The following MAN1A2 variants were observed in gnomAD, a reference collection of about 807,000 sequenced individuals.
MAN1A2 encodes the protein mannosidase alpha class 1A member 2, also known as mannosyl-oligosaccharide 1,2-alpha-mannosidase IB.
In MAN1A2, 26 loss-of-function variants were observed where a neutral mutation model predicts 75.7. The ratio of observed to expected loss-of-function variants is 0.34; its 90% CI spans 0.25 to 0.48. The LOEUF is 0.48. MAN1A2 is among the 20% of genes least tolerant of loss of function. MAN1A2 has a pLI of 0.99. For missense variants in MAN1A2, 562 were observed against 775.5 expected (o/e 0.72, Z 3.27); for synonymous variants, 247 against 264.6 (o/e 0.93, Z 0.65).
At chr1:117,487,428 A>T (rs1478578627) in intron 8 of MAN1A2, among the ~76,000 whole-genome samples, 1 of 152,010 alleles carries the variant, frequency 6.6e-6, no homozygotes, top group Non-Finnish European at 1.5e-5. Context: ...ATAAATGATT[A>T]GGGAAAGTGA....
intron 12 of MAN1A2, among the ~76,000 whole-genome samples, chr1:117,504,314 GTTT>G (rs56375805): frequency 2.9e-5 from 4 of 138,014 alleles, no homozygotes; most frequent in Non-Finnish European, 3.2e-5. Flanking sequence ...TATCTCTCCT[GTTT>G]TTTTTTTTTT....
At chr1:117,371,607 A>T (rs868069366) in intron 1 of MAN1A2, among the ~76,000 whole-genome samples, 1 of 152,196 alleles carries the variant, frequency 6.6e-6, no homozygotes, top group Non-Finnish European at 1.5e-5. Context: ...AACATGTGTG[A>T]GAGCCCTAAG....
At chr1:117,454,361 A>C (rs1368618129) in intron 6 of MAN1A2, among the ~76,000 whole-genome samples, 1 of 152,216 alleles carries the variant, frequency 6.6e-6, no homozygotes, top group Non-Finnish European at 1.5e-5. Flanking sequence ...TGACTAGAAA[A>C]AGAAAAGTTA....
intron 12 of MAN1A2, among the ~76,000 whole-genome samples, chr1:117,521,623 C>T (rs1651874166): frequency 6.6e-6 from 1 of 151,950 alleles, no homozygotes; most frequent in South Asian, 2.1e-4. Context: ...GTGGAGATTC[C>T]TTAAATCACT....
rs551507232 is a variant in MAN1A2, at chr1:117,417,534, A to AATATAT, written c.774+2722_774+2727dup. Among the ~76,000 whole-genome samples the AATATAT allele has an allele frequency of 5.4e-3, 482 of 89,196 alleles. 25 individuals are homozygous for AATATAT. Among genetic ancestry groups the AATATAT allele is most frequent in the Middle Eastern group, 9.1e-3 (1 of 110 alleles). The allele number at this position is 89,196 out of a possible 152,430, so 58.5% of individuals were successfully genotyped here. A position where few individuals can be genotyped will look rare whatever the true frequency, so the allele number is the denominator to read the frequency against. The stretch of plus-strand genomic sequence containing the variant: ...GACTTTGGAGATATCCTTGAGTTTA[A>AATATAT]ATATATATATATATATATATATATG... On this transcript the variant is annotated intron_variant, in intron 4 of 12. Transcript: ENST00000356554.
chr1:117,397,289 G>C (rs182786140), intron 1 of MAN1A2, among the ~76,000 whole-genome samples: 8 of 152,230 alleles, frequency 5.3e-5, no homozygotes, highest in Admixed American at 3.3e-4. Flanking sequence ...TCACAATATT[G>C]CAACAACATA....
At position 117,421,739 on chromosome 1, in the gene MAN1A2, T is replaced by C. The variant is rs575160295; in HGVS notation, c.855+1090T>C. ...TTATATTGTGTGATTTGTTTATACC[T>C]CTAACATATATTTCTATAGTCAGAA... On this transcript the variant is annotated intron_variant, in intron 5 of 12. Coordinates refer to ENST00000356554, the MANE Select transcript of MAN1A2 (RefSeq NM_006699.5). Among the ~76,000 whole-genome samples, 6 of 152,200 alleles carry C rather than the reference T, an allele frequency of 3.9e-5. No homozygotes were observed. The South Asian group carries it at 1.0e-3, about 26-fold the overall frequency.
At chr1:117,456,243 A>G (rs1395374356) in intron 6 of MAN1A2, among the ~76,000 whole-genome samples, 1 of 152,074 alleles carries the variant, frequency 6.6e-6, no homozygotes, top group African/African-American at 2.4e-5. Context: ...GTAGTCCATA[A>G]GGTAAAACAA....
intron 6 of MAN1A2, among the ~76,000 whole-genome samples, chr1:117,452,720 G>A (rs990544445): frequency 1.3e-5 from 2 of 152,222 alleles, no homozygotes; most frequent in Non-Finnish European, 2.9e-5. Context: ...AAACATAAAG[G>A]TGACAGGTGA....
chr1:117,421,025 G>A (rs1443711516), intron 5 of MAN1A2, among the ~76,000 whole-genome samples: 1 of 151,992 alleles, frequency 6.6e-6, no homozygotes, highest in African/African-American at 2.4e-5. Flanking sequence ...CCAAAAATTA[G>A]TAATTCAAAC....
chr1:117,472,533 T>G (rs2101849328), intron 8 of MAN1A2, among the ~76,000 whole-genome samples: 1 of 152,174 alleles, frequency 6.6e-6, no homozygotes, highest in South Asian at 2.1e-4. Context: ...GCTGGAGAGA[T>G]ATGAAATAAA....
At chr1:117,449,166 C>A (rs1649328253) in intron 6 of MAN1A2, among the ~76,000 whole-genome samples, 1 of 152,096 alleles carries the variant, frequency 6.6e-6, no homozygotes. Flanking sequence ...CTTGGGCTTC[C>A]CTACTCCCTG....
chr1:117,527,493 A>G lies in MAN1A2; in HGVS notation c.*4536A>G, dbSNP rs1191269641. 3.9e-5 allele frequency: 6 copies of G among 152,018 alleles called. No homozygotes were observed. Among genetic ancestry groups the G allele is most frequent in the Admixed American group, 3.3e-4 (5 of 15,236 alleles). The allele number at this position is 152,018 out of a possible 1,614,324, so 9.4% of individuals were successfully genotyped here. ...CGTATATATGGTTGTGTGTATCTGT[A>G]TAACCTAAAGCTATAATATTTTGTT... On this transcript the variant is annotated 3_prime_UTR_variant, in exon 13 of 13. Transcript: ENST00000356554.
intron 5 of MAN1A2, 70 bp from the exon 6 acceptor site, chr1:117,442,161 G>T: frequency 1.0e-6 from 1 of 961,500 alleles, no homozygotes; most frequent in Non-Finnish European, 1.7e-6. Context: ...TGTATACTAT[G>T]AGAGAGAGAG....
intron 1 of MAN1A2, among the ~76,000 whole-genome samples, chr1:117,391,728 CT>C (rs1408513415): frequency 3.3e-5 from 5 of 152,302 alleles, no homozygotes; most frequent in Admixed American, 3.3e-4. Flanking sequence ...AACCTACGAG[CT>C]TTGTTGACTT....
chr1:117,433,884 A>G (rs1289726882), intron 5 of MAN1A2, among the ~76,000 whole-genome samples: 1 of 152,104 alleles, frequency 6.6e-6, no homozygotes, highest in East Asian at 1.9e-4. Flanking sequence ...TACCTAACCT[A>G]ATTTGCATAC....
At chr1:117,499,993 G>A (rs565702793) in intron 11 of MAN1A2, among the ~76,000 whole-genome samples, 8 of 151,678 alleles carry the variant, frequency 5.3e-5, no homozygotes, top group Non-Finnish European at 7.4e-5. Context: ...GTGACTATTC[G>A]TATTCAAATT....
intron 6 of MAN1A2, among the ~76,000 whole-genome samples, chr1:117,446,184 C>T (rs2101818280): frequency 6.6e-6 from 1 of 151,484 alleles, no homozygotes. Flanking sequence ...TTTCTCTTTA[C>T]TAGTTTAATG....
At chr1:117,424,551 A>T (rs1648304384) in intron 5 of MAN1A2, among the ~76,000 whole-genome samples, 1 of 152,176 alleles carries the variant, frequency 6.6e-6, no homozygotes, top group Admixed American at 6.5e-5. Context: ...GCTTTTGCTC[A>T]TGACTTGGGA....
Sources: allele counts gnomAD v4.1 joint callset (sites outside exome capture counted in the v4.1 genomes callset), GRCh38; gene constraint gnomAD v4.1.1; transcripts MANE v1.5; gene names NCBI Gene and HGNC (gene_info 2026-07-23, HGNC 2026-07-21).